The following RBFOX3 variants were observed in gnomAD, a reference collection of about 807,000 sequenced individuals.
RBFOX3 encodes the protein RNA binding protein fox-1 homolog 3.
In RBFOX3, 17 loss-of-function variants were observed where a neutral mutation model predicts 48.7. The observed-to-expected ratio is 0.35, with a 90% CI of 0.24 to 0.52. RBFOX3 has a LOEUF of 0.52. RBFOX3 is among the 20% of genes least tolerant of loss of function. The pLI is 0.94. For missense variants in RBFOX3, 382 were observed against 497.5 expected (o/e 0.77, Z 2.21); for synonymous variants, 212 against 209.5 (o/e 1.01, Z -0.10).
intron 1 of RBFOX3, among the ~76,000 whole-genome samples, chr17:79,581,873 G>A (rs1047576030): frequency 3.9e-5 from 6 of 152,270 alleles, no homozygotes; most frequent in Non-Finnish European, 8.8e-5. Context: ...ATAGGGAATC[G>A]TGTTAGCCCA....
intron 2 of RBFOX3, among the ~76,000 whole-genome samples, chr17:79,467,814 C>T (rs2076512680): frequency 6.6e-6 from 1 of 152,064 alleles, no homozygotes; most frequent in Admixed American, 6.5e-5. Context: ...GCCTTTGAGT[C>T]CTCCCAGGAA....
intron 2 of RBFOX3, among the ~76,000 whole-genome samples, chr17:79,401,055 T>A (rs2062739977): frequency 6.6e-6 from 1 of 152,246 alleles, no homozygotes; most frequent in South Asian, 2.1e-4. Context: ...TGTTCATTTT[T>A]AAATTCACAG....
At chr17:79,469,048 T>C (rs980626694) in intron 2 of RBFOX3, among the ~76,000 whole-genome samples, 22 of 152,076 alleles carry the variant, frequency 1.4e-4, no homozygotes, top group African/African-American at 4.3e-4. Flanking sequence ...GATAGACTGA[T>C]TGATTGACTG....
At chr17:79,434,103 C>T (rs1334370933) in intron 2 of RBFOX3, among the ~76,000 whole-genome samples, 1 of 152,140 alleles carries the variant, frequency 6.6e-6, no homozygotes, top group Admixed American at 6.5e-5. Context: ...ACGGAAAGCA[C>T]AAAAACGTGA....
intron 2 of RBFOX3, among the ~76,000 whole-genome samples, chr17:79,371,569 C>G (rs1009226022): frequency 6.6e-6 from 1 of 152,136 alleles, no homozygotes; most frequent in Non-Finnish European, 1.5e-5. Context: ...AAGAGAAAAT[C>G]GAGACGCCCA....
chr17:79,177,211 C>CA (rs1052858672), intron 4 of RBFOX3, among the ~76,000 whole-genome samples: 1 of 151,948 alleles, frequency 6.6e-6, no homozygotes, highest in African/African-American at 2.4e-5. Context: ...TCCTCCTCTC[C>CA]CCCCCCGCCC....
chr17:79,545,173 T>G (rs1555791521), intron 1 of RBFOX3, among the ~76,000 whole-genome samples: 1 of 152,138 alleles, frequency 6.6e-6, no homozygotes, highest in Non-Finnish European at 1.5e-5. Context: ...AAGAAAGAAG[T>G]CCACGTAGAT....
intron 4 of RBFOX3, among the ~76,000 whole-genome samples, chr17:79,149,707 C>T (rs1022792516): frequency 6.6e-5 from 10 of 151,754 alleles, no homozygotes; most frequent in Non-Finnish European, 5.9e-5. Context: ...CTCACTTTGT[C>T]GGACCCAAGA....
intron 1 of RBFOX3, among the ~76,000 whole-genome samples, chr17:79,501,606 C>T (rs1248818914): frequency 2.6e-5 from 4 of 152,230 alleles, no homozygotes; most frequent in African/African-American, 9.6e-5. Flanking sequence ...GGAATCCTGG[C>T]CTCTCACTGT....
chr17:79,620,341 A>C, the RBFOX3 span, among the ~76,000 whole-genome samples: 25 of 147,968 alleles, frequency 1.7e-4, no homozygotes, highest in East Asian at 4.7e-3. Flanking sequence ...GCACACAGAC[A>C]TGCACACACA....
At chr17:79,104,268 A>AC (rs896867003) in intron 6 of RBFOX3, 142 bp from the exon 7 acceptor site, 1 of 731,572 alleles carries the variant, frequency 1.4e-6, no homozygotes, top group African/African-American at 1.8e-5. Flanking sequence ...GAGACCGGGG[A>AC]CCCCCTCCCA....
intron 1 of RBFOX3, among the ~76,000 whole-genome samples, chr17:79,580,242 C>T (rs1234546130): frequency 1.3e-4 from 19 of 145,828 alleles, no homozygotes; most frequent in Non-Finnish European, 2.7e-4. Flanking sequence ...TCATCTCCAT[C>T]TCCTCCTCCT....
intron 4 of RBFOX3, among the ~76,000 whole-genome samples, chr17:79,130,487 C>T (rs1263786792): frequency 1.3e-5 from 2 of 152,256 alleles, no homozygotes; most frequent in East Asian, 1.9e-4. Context: ...TGGTCCCTGC[C>T]ACCGCCCTCT....
chr17:79,187,294 T>C (rs2053599897), intron 4 of RBFOX3, among the ~76,000 whole-genome samples: 1 of 152,142 alleles, frequency 6.6e-6, no homozygotes, highest in Non-Finnish European at 1.5e-5. Flanking sequence ...TTCCTCATGC[T>C]CCTGCCCCTC....
At chr17:79,406,111 C>T (rs2063501312) in intron 2 of RBFOX3, among the ~76,000 whole-genome samples, 1 of 152,198 alleles carries the variant, frequency 6.6e-6, no homozygotes, top group Non-Finnish European at 1.5e-5. Flanking sequence ...TGGGCTGTTT[C>T]CATTTCTGGG....
chr17:79,143,005 G>A (rs552265897), intron 4 of RBFOX3, among the ~76,000 whole-genome samples: 36 of 152,286 alleles, frequency 2.4e-4, no homozygotes, highest in Admixed American at 8.5e-4. Context: ...GGGACATCCT[G>A]GTGCACGGTG....
the RBFOX3 span, among the ~76,000 whole-genome samples, chr17:79,642,161 T>C: frequency 6.6e-6 from 1 of 152,070 alleles, no homozygotes; most frequent in Non-Finnish European, 1.5e-5. Context: ...AATCTAAAAA[T>C]GTCAAACTCA....
intron 3 of RBFOX3, among the ~76,000 whole-genome samples, chr17:79,274,042 G>C (rs1233019371): frequency 1.3e-5 from 2 of 152,192 alleles, no homozygotes; most frequent in Non-Finnish European, 2.9e-5. Context: ...TGTCAGCAGA[G>C]CTGCTGAGCC....
At chr17:79,226,029 C>T (rs1360608392) in intron 4 of RBFOX3, among the ~76,000 whole-genome samples, 1 of 152,116 alleles carries the variant, frequency 6.6e-6, no homozygotes, top group Non-Finnish European at 1.5e-5. Flanking sequence ...TGTTCAGGCC[C>T]ATCTGGATAG....
Sources: allele counts gnomAD v4.1 joint callset (sites outside exome capture counted in the v4.1 genomes callset), GRCh38; gene constraint gnomAD v4.1.1; transcripts MANE v1.5; gene names NCBI Gene and HGNC (gene_info 2026-07-23, HGNC 2026-07-21).